The following DAPK1 variants were observed in gnomAD, a reference collection of about 807,000 sequenced individuals.
The protein encoded by DAPK1 is death-associated protein kinase 1.
In DAPK1, 56 loss-of-function variants were observed where a neutral mutation model predicts 144.9. The ratio of observed to expected loss-of-function variants is 0.39; its 90% CI spans 0.31 to 0.48. The LOEUF is 0.48. Ranked by LOEUF, DAPK1 falls within the 20% of genes least tolerant of loss-of-function variation. DAPK1 has a pLI of 0.95. For missense variants in DAPK1, 1,454 were observed against 1,875.4 expected (o/e 0.78, Z 4.15); for synonymous variants, 690 against 749.0 (o/e 0.92, Z 1.29).
chr9:87,701,743 G>C, intron 24 of DAPK1: 2 of 280,248 alleles, frequency 7.1e-6, no homozygotes, highest in Middle Eastern at 4.5e-4. Flanking sequence ...TTTTTTAACT[G>C]CTTTGCTAAT....
chr9:87,571,478 C>CCCA lies in DAPK1; in HGVS notation c.63-33476_63-33475insCCA, dbSNP rs1564000898. ...ACACACACACACACACACACACCAA[C>CCCA]ACACACACACACACACCCCAACACA... On this transcript the variant is annotated intron_variant, in intron 2 of 25. Transcript: ENST00000408954. 4.4e-4 allele frequency among the ~76,000 whole-genome samples: 24 copies of CCCA among 54,172 alleles called. 2 individuals are homozygous for CCCA. The highest frequency in any genetic ancestry group is 3.9e-4 in the Admixed American group (2 of 5,090). The allele number at this position is 54,172 out of a possible 152,430, so 35.5% of individuals were successfully genotyped here.
chr9:87,519,166 C>T (rs973510695), intron 2 of DAPK1, among the ~76,000 whole-genome samples: 1 of 152,208 alleles, frequency 6.6e-6, no homozygotes, highest in African/African-American at 2.4e-5. Flanking sequence ...GCCCCTGGTC[C>T]CAACCCCAGC....
chr9:87,543,696 A>T (rs1329852184), intron 2 of DAPK1, among the ~76,000 whole-genome samples: 1 of 152,232 alleles, frequency 6.6e-6, no homozygotes, highest in African/African-American at 2.4e-5. Flanking sequence ...CTCACTTTTT[A>T]AATATCTACA....
intron 18 of DAPK1, among the ~76,000 whole-genome samples, chr9:87,662,428 C>G (rs1362010076): frequency 6.6e-6 from 1 of 151,962 alleles, no homozygotes; most frequent in African/African-American, 2.4e-5. Context: ...GTCATTTTAA[C>G]AATATTAATT....
chr9:87,523,348 G>A (rs1442229872), intron 2 of DAPK1, among the ~76,000 whole-genome samples: 2 of 152,190 alleles, frequency 1.3e-5, no homozygotes, highest in African/African-American at 4.8e-5. Context: ...CCAGGCTGGA[G>A]TGCAGTGGCA....
rs1196049069 is a variant in DAPK1, at chr9:87,686,789, G to C, written c.2413+50G>C. 1 of 1,470,432 alleles carries C rather than the reference G, an allele frequency of 6.8e-7. No individual in the cohort carries two copies. Among genetic ancestry groups the C allele is most frequent in the East Asian group, 2.3e-5 (1 of 42,818 alleles). 91.1% of individuals were successfully genotyped at this position (1,470,432 alleles called of 1,614,324 possible). On this transcript the variant is annotated intron_variant, in intron 21 of 25. Coordinates refer to ENST00000408954, the MANE Select transcript of DAPK1 (RefSeq NM_004938.4). The surrounding 1 kb of genome is among the most constrained non-coding windows in gnomAD (Gnocchi z 4.2). ...AGGACCTCAGGTTTCCCTTCAACAG[G>C]GTTGTAAGTCATCCCTAAAGGGAGC...
intron 3 of DAPK1, among the ~76,000 whole-genome samples, chr9:87,626,950 G>A (rs976480507): frequency 6.6e-6 from 1 of 152,166 alleles, no homozygotes; most frequent in Non-Finnish European, 1.5e-5. Flanking sequence ...GGGAGGTAGG[G>A]ATGGGGAGGG....
At chr9:87,669,771 G>GA (rs1237587446) in intron 19 of DAPK1, among the ~76,000 whole-genome samples, 2 of 150,846 alleles carry the variant, frequency 1.3e-5, no homozygotes, top group African/African-American at 2.4e-5. Flanking sequence ...GGCAGGGGGG[G>GA]GCCACAGATT....
chr9:87,627,456 C>A (rs1024309341), intron 3 of DAPK1, among the ~76,000 whole-genome samples: 2 of 152,098 alleles, frequency 1.3e-5, no homozygotes, highest in African/African-American at 4.8e-5. Context: ...ATGGCCAACA[C>A]CTCCTCCCTG....
intron 3 of DAPK1, among the ~76,000 whole-genome samples, chr9:87,622,538 G>GA (rs373480646): frequency 1.3e-5 from 2 of 151,444 alleles, no homozygotes; most frequent in South Asian, 2.1e-4. Context: ...GGGAAGAGAG[G>GA]AAAAAAAAAG....
intron 2 of DAPK1, among the ~76,000 whole-genome samples, chr9:87,568,491 A>G (rs1422494171): frequency 6.6e-6 from 1 of 152,182 alleles, no homozygotes; most frequent in Non-Finnish European, 1.5e-5. Context: ...TAATTAATGC[A>G]TTCTGTGGGG....
intron 2 of DAPK1, among the ~76,000 whole-genome samples, chr9:87,505,171 C>T (rs1477863821): frequency 1.3e-5 from 2 of 152,214 alleles, no homozygotes; most frequent in African/African-American, 4.8e-5. Context: ...CATTGCCTGA[C>T]TCAGCAGGGA....
chr9:87,644,929 T>G lies in DAPK1; in HGVS notation c.1012-966T>G, dbSNP rs1440095842. ...TTTCATGTAAACGCCTCTTAGTCAT[T>G]GACTTCAATTGTGATAGAAAAGCAT... On this transcript the variant is annotated intron_variant, in intron 11 of 25. Coordinates refer to ENST00000408954, the MANE Select transcript of DAPK1 (RefSeq NM_004938.4). Among the ~76,000 whole-genome samples, 3 of 152,358 alleles carry G rather than the reference T, an allele frequency of 2.0e-5. No homozygotes were observed. The East Asian group carries it at 5.8e-4, about 29-fold the overall frequency.
chr9:87,565,212 C>T (rs1489367317), intron 2 of DAPK1, among the ~76,000 whole-genome samples: 1 of 151,956 alleles, frequency 6.6e-6, no homozygotes, highest in Non-Finnish European at 1.5e-5. Flanking sequence ...GGAGGGCAAA[C>T]AGTTGAGAGC....
chr9:87,558,132 A>G (rs953595625), intron 2 of DAPK1, among the ~76,000 whole-genome samples: 3 of 152,072 alleles, frequency 2.0e-5, no homozygotes, highest in Admixed American at 2.0e-4. Flanking sequence ...AGCTTGTCAC[A>G]GTCCTGTCAT....
At chr9:87,661,823 T>G (rs1361339780) in intron 18 of DAPK1, among the ~76,000 whole-genome samples, 1 of 152,214 alleles carries the variant, frequency 6.6e-6, no homozygotes, top group Non-Finnish European at 1.5e-5. Context: ...GCAGAAGCTT[T>G]TAGTTTAAGT....
At chr9:87,593,925 T>A (rs1304326320) in intron 2 of DAPK1, among the ~76,000 whole-genome samples, 1 of 152,236 alleles carries the variant, frequency 6.6e-6, no homozygotes, top group Non-Finnish European at 1.5e-5. Flanking sequence ...AACATGGAGC[T>A]GACCAGAACC....
chr9:87,659,144 G>T (rs1830737826), intron 18 of DAPK1, among the ~76,000 whole-genome samples: 1 of 152,170 alleles, frequency 6.6e-6, no homozygotes, highest in African/African-American at 2.4e-5. Context: ...TGACCGCTGG[G>T]GCTAGGATGT....
At chr9:87,563,195 T>G (rs947207682) in intron 2 of DAPK1, among the ~76,000 whole-genome samples, 1 of 152,236 alleles carries the variant, frequency 6.6e-6, no homozygotes, top group Non-Finnish European at 1.5e-5. Context: ...TAAACTCCAA[T>G]TTCTAAGTTT....
Sources: allele counts gnomAD v4.1 joint callset (sites outside exome capture counted in the v4.1 genomes callset), GRCh38; gene constraint gnomAD v4.1.1; non-coding constraint Gnocchi (gnomAD v3.1); transcripts MANE v1.5; gene names NCBI Gene and HGNC (gene_info 2026-07-23, HGNC 2026-07-21).